The following AGTPBP1 variants were observed in gnomAD, a reference collection of about 807,000 sequenced individuals.
AGTPBP1 encodes cytosolic carboxypeptidase 1.
In AGTPBP1, 70 loss-of-function variants were observed where a neutral mutation model predicts 143.9. That is an observed-to-expected ratio of 0.49 (90% CI 0.40 to 0.59). AGTPBP1 has a LOEUF of 0.59. Among genes scored for constraint, AGTPBP1 ranks in the 20% least tolerant of loss-of-function variants. The pLI is 0.00. For synonymous variants in AGTPBP1, 463 were observed against 500.2 expected, an observed-to-expected ratio of 0.93 and a Z score of 0.99; for missense variants, 1,229 against 1,464.5, an observed-to-expected ratio of 0.84 and a Z score of 2.62.
At chr9:85,589,096 C>A (rs865893530) in intron 20 of AGTPBP1, among the ~76,000 whole-genome samples, 4 of 151,946 alleles carry the variant, frequency 2.6e-5, no homozygotes, top group Middle Eastern at 6.8e-3. Flanking sequence ...ACATTTGAGG[C>A]AATTTAAAAA....
upstream of AGTPBP1, among the ~76,000 whole-genome samples, chr9:85,742,184 G>C (rs1020027488): frequency 6.6e-6 from 1 of 152,094 alleles, no homozygotes; most frequent in African/African-American, 2.4e-5. Context: ...AGCGCGCACG[G>C]GAGCGGGAAT....
At chr9:85,667,503 T>TG (rs1265012758) in intron 8 of AGTPBP1, among the ~76,000 whole-genome samples, 1 of 152,146 alleles carries the variant, frequency 6.6e-6, no homozygotes, top group Non-Finnish European at 1.5e-5. Context: ...GTGTCATGAA[T>TG]GACTGCTAAA....
At chr9:85,596,544 A>G in intron 17 of AGTPBP1, 95 bp from the exon 18 acceptor site, 2 of 755,606 alleles carry the variant, frequency 2.6e-6, no homozygotes, top group Non-Finnish European at 4.0e-6. Context: ...ACATTCAGGA[A>G]AGCAGAAGTA....
At chr9:85,675,829 T>C (rs916355636) in intron 6 of AGTPBP1, among the ~76,000 whole-genome samples, 3 of 152,012 alleles carry the variant, frequency 2.0e-5, no homozygotes, top group Non-Finnish European at 4.4e-5. Flanking sequence ...TTTGAGACCA[T>C]CCTGGCCAAC....
At position 85,646,411 on chromosome 9, in the gene AGTPBP1, G is replaced by C. The variant is rs769253765; in HGVS notation, c.1095C>G (p.Asp365Glu). Residue 365 changes from aspartate (D) to glutamate (E), a missense_variant, in exon 12 of 26, where the codon GAC (aspartate) becomes GAG (glutamate). This residue lies in a region of AGTPBP1 where 743 missense variants were observed against 812.2 expected (regional missense o/e 0.91). Transcript: ENST00000357081. ...CGTTGTCATCACTTTCATCTACTACGTCATCCACTATGATACAAAATGTGC... is the reference window on the plus strand; with the variant it reads ...CGTTGTCATCACTTTCATCTACTACCTCATCCACTATGATACAAAATGTGC... Reference protein sequence around the residue: ...QLYSLPPEVDDVVDESDDNDD... With the variant: ...QLYSLPPEVDEVVDESDDNDD... The C allele has an allele frequency of 1.2e-6, 2 of 1,611,710 alleles. No homozygotes were observed. Among genetic ancestry groups the C allele is most frequent in the Non-Finnish European group, 8.5e-7 (1 of 1,178,986 alleles).
Position 85,672,741 on chromosome 9 carries a change from T to C in AGTPBP1, c.437-60A>G. The C allele has an allele frequency of 3.6e-6, 5 of 1,389,058 alleles. 1 individual carries two copies. Among genetic ancestry groups the C allele is most frequent in the Non-Finnish European group, 3.9e-6 (4 of 1,036,654 alleles). 86.0% of individuals were successfully genotyped at this position (1,389,058 alleles called of 1,614,324 possible). A position where few individuals can be genotyped will look rare whatever the true frequency, so the allele number is the denominator to read the frequency against. ...ACAACTTTTCTTTTTAATTTTTTTT[T>C]TTTTTTTTTTTGAGACAGAGTCTTG... On this transcript the variant is annotated intron_variant, in intron 6 of 25. Coordinates refer to ENST00000357081, the MANE Select transcript of AGTPBP1 (RefSeq NM_001330701.2).
At position 85,592,627 on chromosome 9, in the gene AGTPBP1, T is replaced by C; in HGVS notation, c.2501A>G (p.Asn834Ser). Reference sequence around the variant, plus strand: ...GCAAACATCATCTTTATGTGGAAAATTGACAGTAAATGTAATTGTATAGTA... The same window carrying C: ...GCAAACATCATCTTTATGTGGAAAACTGACAGTAAATGTAATTGTATAGTA... ...KSYYTITFTV[N>S]FPHKDDVCYF... Residue 834 changes from asparagine (N) to serine (S), a missense_variant, in exon 19 of 26, where the codon AAT (asparagine) becomes AGT (serine). Coordinates refer to ENST00000357081, the MANE Select transcript of AGTPBP1 (RefSeq NM_001330701.2). The C allele has an allele frequency of 1.2e-6, 2 of 1,612,414 alleles. No homozygotes were observed. The highest frequency in any genetic ancestry group is 1.7e-5 in the Admixed American group (1 of 59,778).
rs558387894 is a variant in AGTPBP1 at position 85,626,018 on chromosome 9, C to T, written c.2016-4733G>A. Among the ~76,000 whole-genome samples, 4 of 145,058 alleles carry T rather than the reference C, an allele frequency of 2.8e-5. No individual in the cohort carries two copies. The East Asian group carries it at 8.6e-4, about 31-fold the overall frequency. On this transcript the variant is annotated intron_variant, in intron 14 of 25. Transcript: ENST00000357081. ...GGACAAAAAGTGACTTCTTCCTACT[C>T]TCTAATGTTATGGACTATAAAAACA...
chr9:85,577,586 T>A (rs1827976867), intron 24 of AGTPBP1, among the ~76,000 whole-genome samples: 1 of 152,178 alleles, frequency 6.6e-6, no homozygotes, highest in South Asian at 2.1e-4. Context: ...TTCAGGGAGA[T>A]CTCATATTAC....
At chr9:85,673,149 T>C (rs1185406977) in intron 6 of AGTPBP1, among the ~76,000 whole-genome samples, 1 of 152,200 alleles carries the variant, frequency 6.6e-6, no homozygotes, top group African/African-American at 2.4e-5. Flanking sequence ...AATAAAATTA[T>C]AATCCTTTTT....
At chr9:85,707,992 C>A (rs1343062598) in intron 2 of AGTPBP1, among the ~76,000 whole-genome samples, 1 of 152,052 alleles carries the variant, frequency 6.6e-6, no homozygotes, top group East Asian at 1.9e-4. Flanking sequence ...TAACAAACCA[C>A]CATGGCACGT....
chr9:85,768,052 T>G, the AGTPBP1 span, among the ~76,000 whole-genome samples: 10 of 152,278 alleles, frequency 6.6e-5, no homozygotes, highest in African/African-American at 1.9e-4. Context: ...TGTGGCAAAT[T>G]TTTCATCCCA....
chr9:85,605,038 G>A (rs912530275), intron 17 of AGTPBP1, among the ~76,000 whole-genome samples: 13 of 152,256 alleles, frequency 8.5e-5, no homozygotes, highest in Admixed American at 8.5e-4. Flanking sequence ...GCCTTAAAGA[G>A]GAGATAGAGG....
At chr9:85,704,088 A>G (rs1836836248) in intron 2 of AGTPBP1, among the ~76,000 whole-genome samples, 1 of 152,248 alleles carries the variant, frequency 6.6e-6, no homozygotes, top group Non-Finnish European at 1.5e-5. Context: ...TAGCCTATCA[A>G]CATGGAAAGA....
At chr9:85,582,970 T>A (rs1313400043) in intron 23 of AGTPBP1, among the ~76,000 whole-genome samples, 1 of 152,098 alleles carries the variant, frequency 6.6e-6, no homozygotes, top group East Asian at 1.9e-4. Flanking sequence ...AAGATTATCC[T>A]GGATTATCTT....
intron 1 of AGTPBP1, among the ~76,000 whole-genome samples, chr9:85,734,427 C>CTGT (rs78890408): frequency 0.015 from 2,255 of 152,076 alleles, 25 homozygotes; most frequent in Middle Eastern, 0.037. Context: ...GCCCTGATAC[C>CTGT]AAAGTCAGAC....
intron 17 of AGTPBP1, among the ~76,000 whole-genome samples, chr9:85,618,418 T>C (rs1830718469): frequency 6.6e-6 from 1 of 152,022 alleles, no homozygotes. Flanking sequence ...AATACCATGA[T>C]ACCAAAAGCA....
intron 3 of AGTPBP1, among the ~76,000 whole-genome samples, chr9:85,691,651 C>G (rs1455246329): frequency 6.6e-6 from 1 of 151,454 alleles, no homozygotes; most frequent in Non-Finnish European, 1.5e-5. Flanking sequence ...TTGACCTGTT[C>G]AGATAATGTT....
At chr9:85,645,179 G>A (rs1832738487) in intron 12 of AGTPBP1, among the ~76,000 whole-genome samples, 1 of 152,106 alleles carries the variant, frequency 6.6e-6, no homozygotes, top group Non-Finnish European at 1.5e-5. Context: ...TATATGTAAA[G>A]AGTTTGGACT....
Sources: allele counts gnomAD v4.1 joint callset (sites outside exome capture counted in the v4.1 genomes callset), GRCh38; gene constraint gnomAD v4.1.1; regional missense constraint gnomAD v4.1.1; transcripts MANE v1.5; gene names NCBI Gene and HGNC (gene_info 2026-07-23, HGNC 2026-07-21).